Variants in DFFA observed in about 807,000 individuals in gnomAD.
DFFA encodes DNA fragmentation factor subunit alpha.
DFFA carries 14 observed loss-of-function variants against 28.0 expected under a neutral mutation model. The observed-to-expected ratio is 0.50, with a 90% CI of 0.33 to 0.78. The LOEUF (loss-of-function observed/expected upper bound fraction) is 0.78, where lower values mean the gene tolerates loss of function less well. Ranked by LOEUF, DFFA falls within the 30% of genes least tolerant of loss-of-function variation. The pLI is 0.02. For missense variants in DFFA, 395 were observed against 407.1 expected, an observed-to-expected ratio of 0.97 and a Z score of 0.26; for synonymous variants, 158 against 170.3, an observed-to-expected ratio of 0.93 and a Z score of 0.56.
At chr1:10,467,476 C>A in intron 2 of DFFA, 144 bp from the exon 3 acceptor site, 3 of 862,472 alleles carry the variant, frequency 3.5e-6, no homozygotes, top group Non-Finnish European at 5.5e-6. Context: ...ACAGGAGGGT[C>A]AATATCCATC....
Position 10,461,719 on chromosome 1 carries a change from AACCCCT to A in DFFA, c.784-23_784-18del. On this transcript the variant is annotated intron_variant, in intron 5 of 5. Transcript: ENST00000377038. ...GGTAACCAACTGCAGCAAGAATAAA[AACCCCT>A]GAGAACTGGGCCTTCTGTGCGCCTC... is the stretch of plus-strand genomic sequence containing the variant. 6.2e-7 allele frequency: 1 copy of A among 1,613,220 alleles called. No homozygotes were observed. The highest frequency in any genetic ancestry group is 8.5e-7 in the Non-Finnish European group (1 of 1,179,520).
In DFFA at chr1:10,463,496, T is replaced by C; in HGVS notation, c.566A>G (p.Lys189Arg). The C allele has an allele frequency of 6.2e-7, 1 of 1,614,104 alleles. No individual in the cohort carries two copies. Among genetic ancestry groups the C allele is most frequent in the Non-Finnish European group, 8.5e-7 (1 of 1,180,028 alleles). Residue 189 changes from lysine (K) to arginine (R), a missense_variant, in exon 4 of 6, where the codon AAG (lysine) becomes AGG (arginine). Transcript: ENST00000377038. ...LDQREEVRQSKQLLQLYLQAL... is the reference protein window; with the variant it reads ...LDQREEVRQSRQLLQLYLQAL... ...CTGGAGGTACAGCTGCAGGAGCTGC[T>C]TGGACTGACGCACTTCCTCTCTTTG...
rs58464882 is a variant in DFFA, at chr1:10,460,530, CTTTTTT to C, written c.*954_*959del. On this transcript the variant is annotated 3_prime_UTR_variant, in exon 6 of 6. Transcript: ENST00000377038. ...GGTGTGAGCCACTGTCGTGCCTGTC[CTTTTTT>C]TTTTTTTTTTTGAGACAGAGTGTCA... is the stretch of plus-strand genomic sequence containing the variant. 21 of 109,848 alleles carry C rather than the reference CTTTTTT, an allele frequency of 1.9e-4. No individual in the cohort carries two copies. The highest frequency in any genetic ancestry group is 3.8e-4 in the Admixed American group (4 of 10,402). 6.8% of individuals were successfully genotyped at this position (109,848 alleles called of 1,614,324 possible).
chr1:10,469,870 G>A (rs1179914603), intron 1 of DFFA, among the ~76,000 whole-genome samples: 2 of 148,468 alleles, frequency 1.3e-5, no homozygotes, highest in African/African-American at 5.0e-5. Context: ...AGGCTGGCGT[G>A]CAGTAGTACA....
In DFFA at chr1:10,467,278, C is replaced by T; in HGVS notation, c.353G>A (p.Ser118Asn). 1 of 1,614,134 alleles carries T rather than the reference C, an allele frequency of 6.2e-7. No individual in the cohort carries two copies. The highest frequency in any genetic ancestry group is 8.5e-7 in the Non-Finnish European group (1 of 1,180,024). Residue 118 changes from serine (S) to asparagine (N), a missense_variant, in exon 3 of 6, where the codon AGC becomes AAC. By Grantham distance (46) the Ser-to-Asn change is conservative. Coordinates refer to ENST00000377038, the MANE Select transcript of DFFA (RefSeq NM_004401.3). Reference protein sequence around the residue: ...QESFDVDETDSGAGLKWKNVA... With the variant: ...QESFDVDETDNGAGLKWKNVA... The stretch of plus-strand genomic sequence containing the variant: ...ATTCTTCCACTTCAACCCTGCCCCG[C>T]TGTCTGTTTCATCTACATCAAAGGA...
At chr1:10,471,769 T>C (rs1349432400) in intron 1 of DFFA, among the ~76,000 whole-genome samples, 1 of 152,168 alleles carries the variant, frequency 6.6e-6, no homozygotes, top group Non-Finnish European at 1.5e-5. Flanking sequence ...ATGAGAAAAC[T>C]GAGGGTTGAG....
In DFFA at chr1:10,463,430, C is replaced by T; in HGVS notation, c.631+1G>A. 6.2e-7 allele frequency: 1 copy of T among 1,609,562 alleles called. No homozygotes were observed. Among genetic ancestry groups the T allele is most frequent in the Non-Finnish European group, 8.5e-7 (1 of 1,178,060 alleles). ...GTGACTCTGCCTGCAGAGAGTCCTACCTTCCTGCTTTGACAAGAGGCTGCC... is the reference window on the plus strand; with the variant it reads ...GTGACTCTGCCTGCAGAGAGTCCTATCTTCCTGCTTTGACAAGAGGCTGCC... On this transcript the variant is annotated splice_donor_variant, in intron 4 of 5. Transcript: ENST00000377038. LOFTEE classifies it high-confidence loss of function.
rs757754174 is a variant in DFFA at position 10,463,472 on chromosome 1, T to G, written c.590A>C (p.Gln197Pro). 1 of 1,614,034 alleles carries G rather than the reference T, an allele frequency of 6.2e-7. No homozygotes were observed. The highest frequency in any genetic ancestry group is 8.5e-7 in the Non-Finnish European group (1 of 1,180,010). The part of the protein sequence containing the change: ...QSKQLLQLYL[Q>P]ALEKEGSLLS... ...GAGGCTGCCCTCTTTCTCCAAAGCC[T>G]GGAGGTACAGCTGCAGGAGCTGCTT... Residue 197 changes from glutamine to proline, a missense_variant, in exon 4 of 6, where the codon CAG becomes CCG. Transcript: ENST00000377038.
In DFFA at chr1:10,463,066, C is replaced by A; in HGVS notation, c.775G>T (p.Asp259Tyr). ...CCCTGGTTTCCGCCCACCTCCAAAT[C>A]CTGACTAGATAAGCTCAGCTCTGGA... ...QAPELSLSSQ[D>Y]LELVTKEDPK... Residue 259 changes from aspartate to tyrosine, a missense_variant, in exon 5 of 6, where the codon GAT becomes TAT. Asp to Tyr is a radical substitution (Grantham distance 160). Coordinates refer to ENST00000377038, the MANE Select transcript of DFFA (RefSeq NM_004401.3). 6.2e-7 allele frequency: 1 copy of A among 1,614,174 alleles called. No homozygotes were observed. Among genetic ancestry groups the A allele is most frequent in the Non-Finnish European group, 8.5e-7 (1 of 1,180,034 alleles).
chr1:10,465,845 C>G (rs1371131949), intron 3 of DFFA, among the ~76,000 whole-genome samples: 1 of 151,978 alleles, frequency 6.6e-6, no homozygotes, highest in Non-Finnish European at 1.5e-5. Context: ...GCACACGCCA[C>G]CACACCTAGC....
In DFFA at chr1:10,462,789, T is replaced by C. The variant is rs553820785; in HGVS notation, c.783+269A>G. 4 of 1,311,822 alleles carry C rather than the reference T, an allele frequency of 3.0e-6. No individual in the cohort carries two copies. In the South Asian group the frequency reaches 5.6e-5, roughly 18 times the overall value. 81.3% of individuals were successfully genotyped at this position (1,311,822 alleles called of 1,614,324 possible). The stretch of plus-strand genomic sequence containing the variant: ...CATCTCAGAAGATTGGGCCCTGCTA[T>C]TCCTCCCTGTCAGGAACAGTCATTT... On this transcript the variant is annotated intron_variant, in intron 5 of 5. Transcript: ENST00000377038.
At chr1:10,468,845 T>C (rs1641055710) in intron 2 of DFFA, among the ~76,000 whole-genome samples, 1 of 151,870 alleles carries the variant, frequency 6.6e-6, no homozygotes, top group Non-Finnish European at 1.5e-5. Context: ...TTCAAGCAAT[T>C]CTCCCGCCTC....
Position 10,456,526 on chromosome 1 carries a change from GAAATT to G in DFFA, c.*4959_*4963del, listed in dbSNP as rs1640864468. The G allele has an allele frequency of 6.8e-6, 1 of 147,206 alleles. No homozygotes were observed. Among genetic ancestry groups the G allele is most frequent in the African/African-American group, 2.5e-5 (1 of 40,042 alleles). The allele number at this position is 147,206 out of a possible 1,614,324, so 9.1% of individuals were successfully genotyped here. A position where few individuals can be genotyped will look rare whatever the true frequency, so the allele number is the denominator to read the frequency against. On this transcript the variant is annotated 3_prime_UTR_variant, in exon 6 of 6. Transcript: ENST00000377038. Reference sequence around the variant, plus strand: ...AAAAAAAGCTTGAACAGGTAATTAGGAAATTAAACAGCTAAATAATGTGGTTATTT... The same window carrying G: ...AAAAAAAGCTTGAACAGGTAATTAGGAAACAGCTAAATAATGTGGTTATTT...
chr1:10,467,959 C>T (rs752343880), intron 2 of DFFA, among the ~76,000 whole-genome samples: 8 of 152,116 alleles, frequency 5.3e-5, no homozygotes, highest in African/African-American at 9.7e-5. Flanking sequence ...GTTTTTTATA[C>T]GAAAACGGTC....
intron 3 of DFFA, among the ~76,000 whole-genome samples, chr1:10,465,408 G>C (rs563852888): frequency 6.6e-6 from 1 of 152,098 alleles, no homozygotes; most frequent in Admixed American, 6.6e-5. Flanking sequence ...TGGGATTACA[G>C]GTGCTTGCCG....
intron 5 of DFFA, chr1:10,462,673 G>A (rs969488652): frequency 8.3e-5 from 85 of 1,029,266 alleles, no homozygotes; most frequent in Non-Finnish European, 9.0e-5. Context: ...GCCAGCAGGC[G>A]ACGATCCCCT....
intron 4 of DFFA, 64 bp downstream of exon 4, chr1:10,463,367 C>A: frequency 6.4e-7 from 1 of 1,560,922 alleles, no homozygotes. Context: ...AAATAGTGTC[C>A]TCCCAAGGGA....
Position 10,471,964 on chromosome 1 carries a change from G to A in DFFA, c.136+359C>T, listed in dbSNP as rs564258156. Among the ~76,000 whole-genome samples the A allele has an allele frequency of 1.9e-4, 29 of 152,258 alleles. No homozygotes were observed. In the South Asian group the frequency reaches 2.7e-3, roughly 14 times the overall value. The stretch of plus-strand genomic sequence containing the variant: ...GGTGGAAACCCCTCCCCACACCGCC[G>A]TGGGCTCAGCTGGGGGTTCTTGTAC... On this transcript the variant is annotated intron_variant, in intron 1 of 5. Transcript: ENST00000377038.
chr1:10,468,446 C>T (rs1222862686), intron 2 of DFFA, among the ~76,000 whole-genome samples: 1 of 151,212 alleles, frequency 6.6e-6, no homozygotes, highest in African/African-American at 2.4e-5. Context: ...ACAAAGCATC[C>T]TCTTCACAAC....
Sources: gnomAD v4.1 joint callset for allele counts (sites outside exome capture counted in the v4.1 genomes callset) on GRCh38, gnomAD v4.1.1 for gene constraint, MANE v1.5 for transcripts, NCBI Gene and HGNC (gene_info 2026-07-23, HGNC 2026-07-21) for gene names.